PDK1: variants seen among roughly 807,000 people sequenced by gnomAD.
PDK1 encodes pyruvate dehydrogenase kinase 1.
A neutral mutation model predicts 54.2 loss-of-function variants in PDK1; 39 were observed. The ratio of observed to expected loss-of-function variants is 0.72; its 90% CI spans 0.56 to 0.94. The LOEUF (loss-of-function observed/expected upper bound fraction) is 0.94, where lower values mean the gene tolerates loss of function less well. Ranked by LOEUF, PDK1 falls within the 40% of genes least tolerant of loss-of-function variation. PDK1 has a pLI of 0.00. For missense variants in PDK1, 552 were observed against 566.0 expected (o/e 0.98, Z 0.25); for synonymous variants, 221 against 207.1 (o/e 1.07, Z -0.58).
At chr2:172,692,020 G>A in the PDK1 span, among the ~76,000 whole-genome samples, 5 of 152,230 alleles carry the variant, frequency 3.3e-5, no homozygotes, top group African/African-American at 9.6e-5. Context: ...CTCCCCTTTG[G>A]CCAAGAATCC....
At chr2:172,591,400 C>T (rs538707309) in intron 9 of PDK1, among the ~76,000 whole-genome samples, 1 of 152,310 alleles carries the variant, frequency 6.6e-6, no homozygotes, top group African/African-American at 2.4e-5. Flanking sequence ...TAAGAAGGTG[C>T]AGAGTCCTCC....
At position 172,586,396 on chromosome 2, in the gene PDK1, A is replaced by T. The variant is rs1406719042; in HGVS notation, c.1056+8A>T. On this transcript the variant is annotated splice_region_variant and intron_variant, in intron 9 of 10. Transcript: ENST00000282077. ...TCCCGCGCAGTGCCTCTGGTATGTT[A>T]TCAAGAAATAATGAAGTGTGTTTCT... is the stretch of plus-strand genomic sequence containing the variant. 6.6e-7 allele frequency: 1 copy of T among 1,517,888 alleles called. No individual in the cohort carries two copies. The highest frequency in any genetic ancestry group is 9.2e-7 in the Non-Finnish European group (1 of 1,092,886). The allele number at this position is 1,517,888 out of a possible 1,614,324, so 94.0% of individuals were successfully genotyped here.
chr2:172,695,147 G>T, the PDK1 span, among the ~76,000 whole-genome samples: 4 of 152,004 alleles, frequency 2.6e-5, no homozygotes, highest in African/African-American at 9.7e-5. Flanking sequence ...GTTTAGCGAT[G>T]TTTTTTTGAC....
chr2:172,610,592 T>C (rs763421081), downstream of PDK1, among the ~76,000 whole-genome samples: 2 of 152,198 alleles, frequency 1.3e-5, no homozygotes, highest in Non-Finnish European at 2.9e-5. Context: ...ATTTCCTACA[T>C]CAAATTATCT....
rs1691131050 is a variant in PDK1 at position 172,601,949 on chromosome 2, T to C, written c.*5980T>C. The stretch of plus-strand genomic sequence containing the variant: ...TAAGTGGAGAAGAAATGGATATATT[T>C]CTAGGAAAACAGTAGAAGATCCATC... On this transcript the variant is annotated 3_prime_UTR_variant, in exon 11 of 11. Transcript: ENST00000282077. The C allele has an allele frequency of 6.6e-6, 1 of 152,174 alleles. No individual in the cohort carries two copies. The highest frequency in any genetic ancestry group is 2.4e-5 in the African/African-American group (1 of 41,440). 9.4% of individuals were successfully genotyped at this position (152,174 alleles called of 1,614,324 possible). A position where few individuals can be genotyped will look rare whatever the true frequency, so the allele number is the denominator to read the frequency against.
At chr2:172,670,355 CAATTAT>C in the PDK1 span, among the ~76,000 whole-genome samples, 1 of 152,174 alleles carries the variant, frequency 6.6e-6, no homozygotes, top group Admixed American at 6.5e-5. Context: ...AAAATATTGA[CAATTAT>C]AATTTAATTT....
the PDK1 span, among the ~76,000 whole-genome samples, chr2:172,690,594 A>G: frequency 6.7e-6 from 1 of 150,192 alleles, no homozygotes; most frequent in African/African-American, 2.4e-5. Flanking sequence ...AAGACTTGGA[A>G]CCAACCCAAA....
chr2:172,654,083 C>T, the PDK1 span, among the ~76,000 whole-genome samples: 1 of 152,152 alleles, frequency 6.6e-6, no homozygotes, highest in Non-Finnish European at 1.5e-5. Context: ...CATCTCACAC[C>T]AGTTAGAATG....
chr2:172,722,258 T>G, the PDK1 span, among the ~76,000 whole-genome samples: 2 of 152,262 alleles, frequency 1.3e-5, no homozygotes, highest in South Asian at 2.1e-4. Flanking sequence ...TTGGATTATT[T>G]CATGAGCAAG....
downstream of PDK1, among the ~76,000 whole-genome samples, chr2:172,613,170 G>A (rs1574563014): frequency 6.6e-6 from 1 of 152,196 alleles, no homozygotes; most frequent in East Asian, 1.9e-4. Context: ...GCTCAGGAGC[G>A]AAGACTGCCC....
chr2:172,693,727 C>T, the PDK1 span, among the ~76,000 whole-genome samples: 1 of 152,210 alleles, frequency 6.6e-6, no homozygotes, highest in Non-Finnish European at 1.5e-5. Flanking sequence ...AGCCACACCT[C>T]TTCCTCTTCC....
In PDK1 at chr2:172,598,667, C is replaced by T. The variant is rs901784373; in HGVS notation, c.*2698C>T. 2 of 152,108 alleles carry T rather than the reference C, an allele frequency of 1.3e-5. No individual in the cohort carries two copies. The highest frequency in any genetic ancestry group is 4.8e-5 in the African/African-American group (2 of 41,406). The allele number at this position is 152,108 out of a possible 1,614,324, so 9.4% of individuals were successfully genotyped here. Reference sequence around the variant, plus strand: ...CTGGCTGGCTTTTGATGTCTTCATGCTTAATTGTGATCACTTTCTTGCACT... The same window carrying T: ...CTGGCTGGCTTTTGATGTCTTCATGTTTAATTGTGATCACTTTCTTGCACT... On this transcript the variant is annotated 3_prime_UTR_variant, in exon 11 of 11. Transcript: ENST00000282077.
chr2:172,665,057 T>C, the PDK1 span, among the ~76,000 whole-genome samples: 2 of 152,294 alleles, frequency 1.3e-5, no homozygotes. Flanking sequence ...ATAGAGAGAG[T>C]TGTGAATCCT....
At chr2:172,615,132 A>G in the PDK1 span, among the ~76,000 whole-genome samples, 1 of 152,200 alleles carries the variant, frequency 6.6e-6, no homozygotes, top group Non-Finnish European at 1.5e-5. Context: ...CAAGGGGTTG[A>G]GCACAGCAGG....
the PDK1 span, among the ~76,000 whole-genome samples, chr2:172,676,421 A>G: frequency 1.1e-4 from 16 of 152,332 alleles, no homozygotes; most frequent in South Asian, 3.1e-3. Flanking sequence ...CAACATGAAC[A>G]GGAGTTTGGG....
the PDK1 span, among the ~76,000 whole-genome samples, chr2:172,627,623 G>GC: frequency 3.3e-5 from 5 of 151,868 alleles, no homozygotes; most frequent in African/African-American, 9.7e-5. Context: ...AGGCCTGTGG[G>GC]CCCCCCCGAA....
the PDK1 span, among the ~76,000 whole-genome samples, chr2:172,619,666 C>A: frequency 7.2e-5 from 11 of 152,172 alleles, no homozygotes; most frequent in Admixed American, 3.9e-4. Flanking sequence ...ATTATCTCGC[C>A]ACAATTACAC....
intron 8 of PDK1, among the ~76,000 whole-genome samples, chr2:172,575,688 G>T (rs1170158978): frequency 6.6e-6 from 1 of 151,986 alleles, no homozygotes; most frequent in Non-Finnish European, 1.5e-5. Context: ...CAGGCACGGT[G>T]GTGCGTGCCT....
chr2:172,624,001 T>C, the PDK1 span, among the ~76,000 whole-genome samples: 1 of 152,196 alleles, frequency 6.6e-6, no homozygotes, highest in South Asian at 2.1e-4. Context: ...CCCTGCCTTC[T>C]GGTATTAGAG....
Sources: allele counts gnomAD v4.1 joint callset (sites outside exome capture counted in the v4.1 genomes callset), GRCh38; gene constraint gnomAD v4.1.1; transcripts MANE v1.5; gene names NCBI Gene and HGNC (gene_info 2026-07-23, HGNC 2026-07-21).